The following SPTSSB variants were observed in gnomAD, a reference collection of about 807,000 sequenced individuals.
SPTSSB encodes androgen down regulated in mouse prostate.
SPTSSB carries 6 observed loss-of-function variants against 7.7 expected under a neutral mutation model. The ratio of observed to expected loss-of-function variants is 0.78; its 90% CI spans 0.43 to 1.54. SPTSSB has a LOEUF of 1.54. Ranked by LOEUF, SPTSSB falls within the 40% of genes most tolerant of loss-of-function variation. The pLI, the probability that SPTSSB is intolerant of heterozygous loss-of-function variation, is 0.01. For missense variants in SPTSSB, 91 were observed against 93.0 expected (o/e 0.98, Z 0.09); for synonymous variants, 28 against 29.7 (o/e 0.94, Z 0.19).
chr3:161,358,282 G>A (rs1010700541), intron 2 of SPTSSB, among the ~76,000 whole-genome samples: 2 of 152,100 alleles, frequency 1.3e-5, no homozygotes, highest in Non-Finnish European at 2.9e-5. Context: ...AATGTGTCAT[G>A]AGGGCCATGT....
intron 2 of SPTSSB, among the ~76,000 whole-genome samples, chr3:161,347,436 A>C (rs77057785): frequency 0.097 from 14,725 of 151,624 alleles, 1,271 homozygotes; most frequent in African/African-American, 0.22. Context: ...TTTTTTTTGC[A>C]TTTTTAGTAG....
chr3:161,363,539 A>G (rs932559191), intron 1 of SPTSSB, among the ~76,000 whole-genome samples: 1 of 152,048 alleles, frequency 6.6e-6, no homozygotes, highest in Admixed American at 6.6e-5. Flanking sequence ...CTGCTCTTAT[A>G]GAAATAAAGT....
At chr3:161,348,623 C>T (rs1335367906) in intron 2 of SPTSSB, among the ~76,000 whole-genome samples, 1 of 152,224 alleles carries the variant, frequency 6.6e-6, no homozygotes, top group Non-Finnish European at 1.5e-5. Context: ...TACCCCAAAT[C>T]TGCAATGACT....
chr3:161,348,913 C>A (rs1356859024), intron 2 of SPTSSB, among the ~76,000 whole-genome samples: 4 of 152,172 alleles, frequency 2.6e-5, no homozygotes, highest in African/African-American at 9.7e-5. Flanking sequence ...CCATCTGCTA[C>A]AATCTATTGT....
At chr3:161,350,495 T>C (rs1714479010) in intron 2 of SPTSSB, among the ~76,000 whole-genome samples, 1 of 152,190 alleles carries the variant, frequency 6.6e-6, no homozygotes, top group Non-Finnish European at 1.5e-5. Context: ...CAACTCACTT[T>C]GGAACTCTAC....
chr3:161,351,607 GAGAGAA>G (rs901338312), intron 2 of SPTSSB, among the ~76,000 whole-genome samples: 2 of 146,972 alleles, frequency 1.4e-5, no homozygotes, highest in African/African-American at 2.4e-5. Context: ...CAGAGAGAGA[GAGAGAA>G]AGAGAGAGAG....
intron 1 of SPTSSB, among the ~76,000 whole-genome samples, chr3:161,365,248 A>T (rs1715170666): frequency 6.6e-6 from 1 of 152,262 alleles, no homozygotes; most frequent in African/African-American, 2.4e-5. Flanking sequence ...CCTTCCAGCC[A>T]GCTAGCCACT....
At chr3:161,367,109 G>A (rs893224654) in intron 1 of SPTSSB, among the ~76,000 whole-genome samples, 6 of 152,164 alleles carry the variant, frequency 3.9e-5, no homozygotes, top group Non-Finnish European at 8.8e-5. Context: ...CCTGGGAGGC[G>A]GAGGTCACAG....
Position 161,346,084 on chromosome 3 carries a change from T to C in SPTSSB, c.*9A>G, listed in dbSNP as rs1234231068. The C allele has an allele frequency of 7.3e-7, 1 of 1,375,210 alleles. No individual in the cohort carries two copies. The highest frequency in any genetic ancestry group is 1.4e-5 in the African/African-American group (1 of 70,510). The allele number at this position is 1,375,210 out of a possible 1,614,324, so 85.2% of individuals were successfully genotyped here. On this transcript the variant is annotated 3_prime_UTR_variant, in exon 3 of 3. Transcript: ENST00000620149. ...ATATGCAATGCCATTTCACTGAATG[T>C]GAACAGGATCAATTAGAAATTGTAC...
rs144587221 is a variant in SPTSSB at position 161,354,765 on chromosome 3, G to A, written c.-33+5037C>T. On this transcript the variant is annotated intron_variant, in intron 2 of 2. Transcript: ENST00000620149. ...CATTGTGCAACATGGCATGTGTTGA[G>A]TAACTGCAATTTCAAGGCAGTCCTA... is the stretch of plus-strand genomic sequence containing the variant. Among the ~76,000 whole-genome samples, 590 of 152,306 alleles carry A rather than the reference G, an allele frequency of 3.9e-3. 4 individuals are homozygous for A. The highest frequency in any genetic ancestry group is 0.013 in the African/African-American group (556 of 41,554).
At chr3:161,360,242 C>A (rs765391192) in intron 1 of SPTSSB, among the ~76,000 whole-genome samples, 6 of 152,164 alleles carry the variant, frequency 3.9e-5, no homozygotes, top group Admixed American at 1.3e-4. Flanking sequence ...CTCTCTAATT[C>A]AGTTTTTGGG....
chr3:161,351,245 A>G (rs1488031872), intron 2 of SPTSSB, among the ~76,000 whole-genome samples: 2 of 152,314 alleles, frequency 1.3e-5, no homozygotes, highest in East Asian at 3.9e-4. Flanking sequence ...AATATGTTAT[A>G]CTAATGTAAG....
chr3:161,361,316 T>C (rs1715006147), intron 1 of SPTSSB, among the ~76,000 whole-genome samples: 1 of 152,102 alleles, frequency 6.6e-6, no homozygotes, highest in South Asian at 2.1e-4. Flanking sequence ...AGGAAAATTG[T>C]CCAAGCAGAG....
In SPTSSB at chr3:161,345,603, A is replaced by G. The variant is rs1334589641; in HGVS notation, c.*490T>C. ...GAATTTCCAGTATCATCAGTTTACT[A>G]GAAAATAAGACTTAGGGGGTCCATA... On this transcript the variant is annotated 3_prime_UTR_variant, in exon 3 of 3. Transcript: ENST00000620149. The G allele has an allele frequency of 6.5e-6, 1 of 152,862 alleles. No individual in the cohort carries two copies. The highest frequency in any genetic ancestry group is 1.9e-4 in the East Asian group (1 of 5,204). The allele number at this position is 152,862 out of a possible 1,614,324, so 9.5% of individuals were successfully genotyped here. A position where few individuals can be genotyped will look rare whatever the true frequency, so the allele number is the denominator to read the frequency against.
At chr3:161,350,303 A>G (rs553577364) in intron 2 of SPTSSB, among the ~76,000 whole-genome samples, 91 of 152,304 alleles carry the variant, frequency 6.0e-4, no homozygotes, top group South Asian at 1.2e-3. Flanking sequence ...CCCCCTGCCA[A>G]AAAAGAACTA....
At chr3:161,371,333 T>A in intron 1 of SPTSSB, 102 bp downstream of exon 1, 1 of 751,682 alleles carries the variant, frequency 1.3e-6, no homozygotes, top group Non-Finnish European at 1.6e-6. Flanking sequence ...ACTGATAAAT[T>A]GCATTAAAGC....
chr3:161,347,935 T>C, intron 2 of SPTSSB: 1 of 152,150 alleles, frequency 6.6e-6, no homozygotes, highest in Non-Finnish European at 1.5e-5. Context: ...AATTCATTCA[T>C]TCACCGAATG....
chr3:161,363,787 T>C (rs1216201232), intron 1 of SPTSSB, among the ~76,000 whole-genome samples: 1 of 152,162 alleles, frequency 6.6e-6, no homozygotes, highest in African/African-American at 2.4e-5. Context: ...CTAATCATCT[T>C]TCTAATGATT....
At chr3:161,351,217 G>C (rs1466668506) in intron 2 of SPTSSB, among the ~76,000 whole-genome samples, 1 of 152,050 alleles carries the variant, frequency 6.6e-6, no homozygotes, top group Non-Finnish European at 1.5e-5. Context: ...TATCAATATT[G>C]GTTCATTAAT....
Sources: allele counts gnomAD v4.1 joint callset (sites outside exome capture counted in the v4.1 genomes callset), GRCh38; gene constraint gnomAD v4.1.1; transcripts MANE v1.5; gene names NCBI Gene and HGNC (gene_info 2026-07-23, HGNC 2026-07-21).